CACNA1C: variants seen among roughly 807,000 people sequenced by gnomAD.
CACNA1C encodes the protein calcium voltage-gated channel subunit alpha1 C, also known as voltage-dependent L-type calcium channel subunit alpha-1C.
A neutral mutation model predicts 229.0 loss-of-function variants in CACNA1C; 30 were observed. The observed-to-expected ratio is 0.13, with a 90% CI of 0.10 to 0.18. The LOEUF (loss-of-function observed/expected upper bound fraction) is 0.18, where lower values mean the gene tolerates loss of function less well. Ranked by LOEUF, CACNA1C falls within the 10% of genes least tolerant of loss-of-function variation. The probability of loss-of-function intolerance (pLI) is 1.00; values close to 1 mark genes in which losing one functional copy is unlikely to be tolerated. For missense variants in CACNA1C, 1,658 were observed against 2,845.0 expected (o/e 0.58, Z 9.49); for synonymous variants, 1,114 against 1,132.5 (o/e 0.98, Z 0.33).
At chr12:2,020,745 C>T (rs2046300037) in intron 1 of CACNA1C, among the ~76,000 whole-genome samples, 2 of 152,130 alleles carry the variant, frequency 1.3e-5, no homozygotes, top group African/African-American at 4.8e-5. Flanking sequence ...GCACCAAATC[C>T]ATAGACTCTC....
chr12:2,556,192 C>T (rs1214941575), intron 10 of CACNA1C, among the ~76,000 whole-genome samples: 3 of 152,176 alleles, frequency 2.0e-5, no homozygotes, highest in African/African-American at 7.2e-5. Flanking sequence ...CAGTCTGTCC[C>T]TCCTGCCCTC....
intron 3 of CACNA1C, among the ~76,000 whole-genome samples, chr12:2,264,639 C>CTGCCCGATCAGGGTTTGGGGAA (rs1400373298): frequency 6.6e-6 from 1 of 152,218 alleles, no homozygotes; most frequent in Non-Finnish European, 1.5e-5. Flanking sequence ...GGGTTTTTTA[C>CTGCCCGATCAGGGTTTGGGGAA]TGCCCGATCA....
intron 1 of CACNA1C, among the ~76,000 whole-genome samples, chr12:1,990,470 TA>T (rs1237345786): frequency 4.6e-5 from 7 of 152,244 alleles, no homozygotes; most frequent in African/African-American, 1.7e-4. Flanking sequence ...TTTGGCTGAT[TA>T]AATGAAGAGA....
chr12:2,075,905 A>G (rs2063028581), intron 1 of CACNA1C, among the ~76,000 whole-genome samples: 1 of 152,198 alleles, frequency 6.6e-6, no homozygotes, highest in Admixed American at 6.5e-5. Context: ...GGGTTGGTAT[A>G]TTTAGAAATA....
intron 3 of CACNA1C, among the ~76,000 whole-genome samples, chr12:2,409,462 AG>A (rs2098781120): frequency 6.6e-6 from 1 of 152,250 alleles, no homozygotes; most frequent in Non-Finnish European, 1.5e-5. Context: ...GTATCACCGT[AG>A]GTGTGCCCTC....
At chr12:2,092,092 A>G (rs985660228) in intron 1 of CACNA1C, among the ~76,000 whole-genome samples, 2 of 152,168 alleles carry the variant, frequency 1.3e-5, no homozygotes, top group Admixed American at 1.3e-4. Context: ...GCTGCCCTGA[A>G]GGGTAGAAGA....
intron 1 of CACNA1C, among the ~76,000 whole-genome samples, chr12:2,112,974 G>A (rs960252864): frequency 3.0e-4 from 46 of 151,852 alleles, no homozygotes; most frequent in South Asian, 8.3e-4. Context: ...CTCGTTTTTC[G>A]GTTGCAAGGG....
chr12:2,503,559 G>C (rs973972990), intron 7 of CACNA1C, among the ~76,000 whole-genome samples: 3 of 152,180 alleles, frequency 2.0e-5, no homozygotes, highest in African/African-American at 7.2e-5. Flanking sequence ...GGTACAGGGG[G>C]CTGATTTATT....
At chr12:2,020,091 A>G (rs781548644) in intron 1 of CACNA1C, 9 of 152,194 alleles carry the variant, frequency 5.9e-5, no homozygotes, top group Admixed American at 1.3e-4. Flanking sequence ...ACATAAGTGC[A>G]CACACACACT....
chr12:2,469,079 G>A (rs1237778866), intron 5 of CACNA1C, among the ~76,000 whole-genome samples: 1 of 152,126 alleles, frequency 6.6e-6, no homozygotes. Flanking sequence ...CATTTCTGTT[G>A]GGGGTACCCC....
At position 2,047,855 on chromosome 12, in the gene CACNA1C, C is replaced by G. The variant is rs142621482; in HGVS notation, c.140-67369C>G. ...GGATGGGTGTGAAGTTGCCGTAATGCCAAAAGGCCGGAGGAAAGCAGGACA... is the reference window on the plus strand; with the variant it reads ...GGATGGGTGTGAAGTTGCCGTAATGGCAAAAGGCCGGAGGAAAGCAGGACA... On this transcript the variant is annotated intron_variant, in intron 1 of 46. Coordinates refer to the CACNA1C transcript ENST00000682462. Among the ~76,000 whole-genome samples, 10 of 152,314 alleles carry G rather than the reference C, an allele frequency of 6.6e-5. No individual in the cohort carries two copies. In the East Asian group the frequency reaches 1.7e-3, roughly 26 times the overall value.
Position 2,679,424 on chromosome 12 carries a change from C to T in CACNA1C, c.5092-20C>T, listed in dbSNP as rs1428351246. 2 of 1,498,110 alleles carry T rather than the reference C, an allele frequency of 1.3e-6. No homozygotes were observed. The highest frequency in any genetic ancestry group is 1.8e-6 in the Non-Finnish European group (2 of 1,114,860). 92.8% of individuals were successfully genotyped at this position (1,498,110 alleles called of 1,614,324 possible). On this transcript the variant is annotated intron_variant, in intron 41 of 46. Coordinates refer to ENST00000399655, the MANE Select transcript of CACNA1C (RefSeq NM_000719.7). This position sits in a 1 kb window ranked among gnomAD's most constrained non-coding sequence, Gnocchi z 5.5. Reference sequence around the variant, plus strand: ...GGGTGCTAAGGGGCTTCTCCACCCACCCCTCCTTCTTGCCTACAGAGGGCC... The same window carrying T: ...GGGTGCTAAGGGGCTTCTCCACCCATCCCTCCTTCTTGCCTACAGAGGGCC...
chr12:2,605,073 T>C lies in CACNA1C; in HGVS notation c.2961-8T>C. On this transcript the variant is annotated splice_region_variant and splice_polypyrimidine_tract_variant and intron_variant, in intron 22 of 46. Coordinates refer to ENST00000399655, the MANE Select transcript of CACNA1C (RefSeq NM_000719.7). The surrounding 1 kb of genome is among the most constrained non-coding windows in gnomAD (Gnocchi z 6.2). Reference sequence around the variant, plus strand: ...GAGCTTACTACCCTGCCTGTTTCCCTCTCCCAGGTCCAGTGCAATCAATGT... The same window carrying C: ...GAGCTTACTACCCTGCCTGTTTCCCCCTCCCAGGTCCAGTGCAATCAATGT... 1 of 1,611,364 alleles carries C rather than the reference T, an allele frequency of 6.2e-7. No homozygotes were observed. The highest frequency in any genetic ancestry group is 1.1e-5 in the South Asian group (1 of 91,044).
intron 3 of CACNA1C, among the ~76,000 whole-genome samples, chr12:2,363,324 TA>T (rs1002063707): frequency 2.0e-5 from 3 of 152,216 alleles, no homozygotes; most frequent in African/African-American, 7.2e-5. Flanking sequence ...TGGAAACCAC[TA>T]AAATGATCAT....
intron 10 of CACNA1C, among the ~76,000 whole-genome samples, chr12:2,553,124 C>T (rs2042212708): frequency 2.0e-5 from 3 of 152,174 alleles, no homozygotes; most frequent in Admixed American, 2.0e-4. Flanking sequence ...CTAGTGCCCA[C>T]CAACCTCCAG....
At chr12:2,441,807 T>G (rs2099230344) in intron 3 of CACNA1C, among the ~76,000 whole-genome samples, 1 of 152,242 alleles carries the variant, frequency 6.6e-6, no homozygotes, top group African/African-American at 2.4e-5. Flanking sequence ...GTCCACACTC[T>G]GTCATATTGG....
chr12:2,607,170 A>C, intron 26 of CACNA1C, 40 bp downstream of exon 26: 1 of 1,581,762 alleles, frequency 6.3e-7, no homozygotes, highest in Middle Eastern at 1.7e-4. Flanking sequence ...CCTGACATTC[A>C]AGGGCCAGTA....
rs749495348 is a variant in CACNA1C, at chr12:2,504,980, C to T, written c.1217+35C>T. On this transcript the variant is annotated intron_variant, in intron 8 of 46. Coordinates refer to ENST00000399655, the MANE Select transcript of CACNA1C (RefSeq NM_000719.7). The surrounding 1 kb of genome is among the most constrained non-coding windows in gnomAD (Gnocchi z 6.8). ...ACCAAGGAAAAAGGTCTTGATTTTT[C>T]CATTTATTTTTATTTATTCTTTCTG... 2.8e-5 allele frequency: 30 copies of T among 1,056,206 alleles called. No individual in the cohort carries two copies. The South Asian group carries it at 3.8e-4, about 13-fold the overall frequency. 65.4% of individuals were successfully genotyped at this position (1,056,206 alleles called of 1,614,324 possible).
intron 3 of CACNA1C, among the ~76,000 whole-genome samples, chr12:2,421,648 C>G (rs941008181): frequency 6.6e-6 from 1 of 152,328 alleles, no homozygotes; most frequent in African/African-American, 2.4e-5. Context: ...CACAGTGGCT[C>G]ACACCTGTAA....
Sources: gnomAD v4.1 joint callset for allele counts (sites outside exome capture counted in the v4.1 genomes callset) on GRCh38, gnomAD v4.1.1 for gene constraint, Gnocchi (gnomAD v3.1) non-coding constraint, MANE v1.5 for transcripts, NCBI Gene and HGNC (gene_info 2026-07-23, HGNC 2026-07-21) for gene names.